C16orf46: variants seen among roughly 807,000 people sequenced by gnomAD.
The protein encoded by C16orf46 is uncharacterized protein C16orf46.
A neutral mutation model predicts 5.5 loss-of-function variants in C16orf46; 7 were observed. That is an observed-to-expected ratio of 1.28 (90% confidence interval 0.73 to 2.40). The LOEUF (loss-of-function observed/expected upper bound fraction) is 2.40, where lower values mean the gene tolerates loss of function less well. Ranked by LOEUF, C16orf46 falls within the 30% of genes most tolerant of loss-of-function variation. The probability of loss-of-function intolerance (pLI) is 0.00; values close to 1 mark genes in which losing one functional copy is unlikely to be tolerated. For synonymous variants in C16orf46, 200 were observed against 184.1 expected, an observed-to-expected ratio of 1.09 and a Z score of -0.70; for missense variants, 614 against 476.0, an observed-to-expected ratio of 1.29 and a Z score of -2.70.
chr16:81,067,380 A>C (rs1179124959), intron 1 of C16orf46, among the ~76,000 whole-genome samples: 3 of 152,198 alleles, frequency 2.0e-5, no homozygotes, highest in Non-Finnish European at 4.4e-5. Context: ...CATGGGGATT[A>C]ACTGTACTAT....
chr16:81,063,244 GGGA>G (rs1239625470), intron 3 of C16orf46, among the ~76,000 whole-genome samples: 19 of 118,960 alleles, frequency 1.6e-4, no homozygotes, highest in African/African-American at 5.9e-4. Context: ...CTCCATCTCA[GGGA>G]AAAAAAAAAA....
At chr16:81,071,663 T>C (rs1189258897) in intron 1 of C16orf46, among the ~76,000 whole-genome samples, 1 of 152,038 alleles carries the variant, frequency 6.6e-6, no homozygotes, top group Admixed American at 6.6e-5. Flanking sequence ...GGGGATCCCA[T>C]GGGCCCCGGA....
chr16:81,069,525 C>A (rs1195235554), intron 1 of C16orf46, among the ~76,000 whole-genome samples: 1 of 151,572 alleles, frequency 6.6e-6, no homozygotes, highest in African/African-American at 2.4e-5. Flanking sequence ...TAGCCTGGAG[C>A]AAATCACAGA....
intron 1 of C16orf46, among the ~76,000 whole-genome samples, chr16:81,069,431 C>T (rs1426328996): frequency 6.6e-6 from 1 of 152,234 alleles, no homozygotes; most frequent in Non-Finnish European, 1.5e-5. Flanking sequence ...CCACAGCCAA[C>T]TGTGATGCAG....
At chr16:81,058,064 C>CAAAACAAAACAAAAT (rs1555526112), downstream of C16orf46, 466 of 170,400 alleles carry the variant, frequency 2.7e-3, 3 homozygotes, top group African/African-American at 0.01. Context: ...CAAAACAAAA[C>CAAAACAAAACAAAAT]CTGAAACAGA....
At chr16:81,062,194 C>A in intron 3 of C16orf46, 56 bp from the exon 4 acceptor site, 1 of 1,452,568 alleles carries the variant, frequency 6.9e-7, no homozygotes, top group Non-Finnish European at 9.1e-7. Flanking sequence ...CTGTCCTTGC[C>A]CCAATTTTGG....
intron 1 of C16orf46, among the ~76,000 whole-genome samples, chr16:81,074,038 A>G (rs57926697): frequency 6.6e-6 from 1 of 152,226 alleles, no homozygotes; most frequent in Non-Finnish European, 1.5e-5. Flanking sequence ...CTTTACAGGA[A>G]TGTTTTTTCT....
At chr16:81,063,088 A>C (rs941644605) in intron 3 of C16orf46, among the ~76,000 whole-genome samples, 2 of 151,778 alleles carry the variant, frequency 1.3e-5, no homozygotes, top group African/African-American at 4.8e-5. Context: ...TCTACTAAAA[A>C]TACAAAAATT....
At chr16:81,069,588 G>A (rs564889638) in intron 1 of C16orf46, among the ~76,000 whole-genome samples, 2 of 152,276 alleles carry the variant, frequency 1.3e-5, no homozygotes, top group East Asian at 1.9e-4. Context: ...TATATCTCCA[G>A]GAGGAGTAAG....
At position 81,074,693 on chromosome 16, in the gene C16orf46, A is replaced by G. The variant is rs142585754; in HGVS notation, c.-128+2443T>C. On this transcript the variant is annotated intron_variant, in intron 1 of 3. Coordinates refer to ENST00000299578, the MANE Select transcript of C16orf46 (RefSeq NM_152337.3). ...CCACCACACCCAACCCTATAACTCA[A>G]TCTTGATTAACACTGAGCTTGAGGT... Among the ~76,000 whole-genome samples, 676 of 151,180 alleles carry G rather than the reference A, an allele frequency of 4.5e-3. 7 individuals are homozygous for G. The highest frequency in any genetic ancestry group is 0.015 in the African/African-American group (637 of 41,200).
intron 1 of C16orf46, among the ~76,000 whole-genome samples, chr16:81,069,457 A>G (rs1971769758): frequency 6.6e-6 from 1 of 152,196 alleles, no homozygotes; most frequent in African/African-American, 2.4e-5. Context: ...GATGGCAAAC[A>G]TGGCTCTTAG....
chr16:81,065,929 TG>T (rs1971642783), intron 2 of C16orf46, among the ~76,000 whole-genome samples: 1 of 152,002 alleles, frequency 6.6e-6, no homozygotes, highest in African/African-American at 2.4e-5. Flanking sequence ...CAAAATTTAC[TG>T]GAGTAAATTT....
At chr16:81,057,311 G>A (rs1971326407), downstream of C16orf46, among the ~76,000 whole-genome samples, 1 of 152,168 alleles carries the variant, frequency 6.6e-6, no homozygotes, top group African/African-American at 2.4e-5. Context: ...CACTTTGGGA[G>A]GCCAAGGCGG....
chr16:81,069,238 T>C (rs1971761726), intron 1 of C16orf46, among the ~76,000 whole-genome samples: 2 of 152,166 alleles, frequency 1.3e-5, no homozygotes, highest in African/African-American at 2.4e-5. Flanking sequence ...TACCTAGCAT[T>C]AGTCAAGACA....
At position 81,061,338 on chromosome 16, in the gene C16orf46, G is replaced by A. The variant is rs1971461296; in HGVS notation, c.1011C>T (p.Ser337=). The A allele has an allele frequency of 6.2e-7, 1 of 1,613,968 alleles. No individual in the cohort carries two copies. ...LQKRGVQSYK[S]KFKAKEPRSP... Reference sequence around the variant, plus strand: ...ATCTTGGCTCCTTGGCTTTGAATTTGGATTTGTAGCTTTGCACTCCCCGTT... The same window carrying A: ...ATCTTGGCTCCTTGGCTTTGAATTTAGATTTGTAGCTTTGCACTCCCCGTT... The change falls in exon 4 of 4, where the codon TCC becomes TCT. Residue 337 remains serine, a synonymous_variant. Transcript: ENST00000299578.
chr16:81,061,552 G>A lies in C16orf46; in HGVS notation c.797C>T (p.Ala266Val), dbSNP rs1157808090. The change falls in exon 4 of 4, where the codon GCC (alanine) becomes GTC (valine). Residue 266 changes from alanine (A) to valine (V), a missense_variant. By Grantham distance (64) the Ala-to-Val change is moderately conservative. Transcript: ENST00000299578. ...CATAGGGTGTTTGGCCAGCTCACTG[G>A]CTCTTTTTTCACCTTTCCCATCTGC... ...KTADGKGEKR[A>V]SELAKHPMVN... 3 of 1,614,052 alleles carry A rather than the reference G, an allele frequency of 1.9e-6. No individual in the cohort carries two copies. The highest frequency in any genetic ancestry group is 2.5e-6 in the Non-Finnish European group (3 of 1,180,048).
intron 1 of C16orf46, among the ~76,000 whole-genome samples, chr16:81,072,826 T>C (rs1971902103): frequency 6.6e-6 from 1 of 152,064 alleles, no homozygotes; most frequent in South Asian, 2.1e-4. Context: ...CTCAGTCTCC[T>C]GAGTAGCTGG....
At position 81,061,041 on chromosome 16, in the gene C16orf46, C is replaced by T. The variant is rs1971444957; in HGVS notation, c.*120G>A. The T allele has an allele frequency of 7.1e-7, 1 of 1,399,538 alleles. No homozygotes were observed. Among genetic ancestry groups the T allele is most frequent in the Non-Finnish European group, 9.3e-7 (1 of 1,070,384 alleles). 86.7% of individuals were successfully genotyped at this position (1,399,538 alleles called of 1,614,324 possible). On this transcript the variant is annotated 3_prime_UTR_variant, in exon 4 of 4. Transcript: ENST00000299578. ...AAATGGAGGAAAAGAAGAGTAAAGA[C>T]AGACTGACGGGGAGGAGAGAAAGAG...
intron 3 of C16orf46, 73 bp downstream of exon 3, chr16:81,063,673 T>C (rs804890): frequency 7.6e-7 from 1 of 1,307,898 alleles, no homozygotes; most frequent in African/African-American, 1.5e-5. Context: ...TAACTATTTT[T>C]GGGAAAAAGA....
Sources: allele counts gnomAD v4.1 joint callset (sites outside exome capture counted in the v4.1 genomes callset), GRCh38; gene constraint gnomAD v4.1.1; transcripts MANE v1.5; gene names NCBI Gene and HGNC (gene_info 2026-07-23, HGNC 2026-07-21).